Variants in CCDC93 observed in about 807,000 individuals in gnomAD.
CCDC93 encodes the protein coiled-coil domain-containing protein 93.
A neutral mutation model predicts 108.2 loss-of-function variants in CCDC93; 61 were observed. The observed-to-expected ratio is 0.56, with a 90% CI of 0.46 to 0.70. CCDC93 has a LOEUF of 0.70. Among genes scored for constraint, CCDC93 ranks in the 30% least tolerant of loss-of-function variants. The probability of loss-of-function intolerance (pLI) is 0.00; values close to 1 mark genes in which losing one functional copy is unlikely to be tolerated. For missense variants in CCDC93, 685 were observed against 764.2 expected, an observed-to-expected ratio of 0.90 and a Z score of 1.22; for synonymous variants, 276 against 260.4, an observed-to-expected ratio of 1.06 and a Z score of -0.58.
In CCDC93 at chr2:117,917,632, T is replaced by G. The variant is rs1017617659; in HGVS notation, c.*2711A>C. 1 of 152,266 alleles carries G rather than the reference T, an allele frequency of 6.6e-6. No homozygotes were observed. Among genetic ancestry groups the G allele is most frequent in the Admixed American group, 6.5e-5 (1 of 15,282 alleles). 9.4% of individuals were successfully genotyped at this position (152,266 alleles called of 1,614,324 possible). On this transcript the variant is annotated 3_prime_UTR_variant, in exon 24 of 24. Transcript: ENST00000376300. Reference sequence around the variant, plus strand: ...GTGTGACTCTGACGACTGTTTAACATTCTGTACCTCCCTCTAGTGGTGTTA... The same window carrying G: ...GTGTGACTCTGACGACTGTTTAACAGTCTGTACCTCCCTCTAGTGGTGTTA...
chr2:117,948,611 C>G (rs1455726899), intron 14 of CCDC93, among the ~76,000 whole-genome samples: 2 of 152,230 alleles, frequency 1.3e-5, no homozygotes, highest in Non-Finnish European at 2.9e-5. Context: ...TATCAACTAT[C>G]TGACAGTGCT....
Position 118,006,757 on chromosome 2 carries a change from C to T in CCDC93, c.216G>A (p.Leu72=), listed in dbSNP as rs770091722. 3 of 1,612,518 alleles carry T rather than the reference C, an allele frequency of 1.9e-6. No homozygotes were observed. Among genetic ancestry groups the T allele is most frequent in the East Asian group, 4.5e-5 (2 of 44,868 alleles). ...CTATCGTAGAGTTTTCTTGAAAGAG[C>T]AAATCAACATCTACATCAAAGTTGC... ...TTCNFDVDVD[L]LFQENSTIGQ... The change falls in exon 3 of 24, where the codon TTG becomes TTA. Residue 72 remains leucine, a synonymous_variant. Transcript: ENST00000376300.
At chr2:118,001,887 T>C (rs1449729263) in intron 3 of CCDC93, among the ~76,000 whole-genome samples, 1 of 152,188 alleles carries the variant, frequency 6.6e-6, no homozygotes, top group South Asian at 2.1e-4. Flanking sequence ...ACTATCTTAA[T>C]TGGATCAGAC....
chr2:117,928,011 A>T (rs982618978), intron 23 of CCDC93, among the ~76,000 whole-genome samples: 44 of 152,248 alleles, frequency 2.9e-4, no homozygotes, highest in African/African-American at 1.0e-3. Flanking sequence ...AAATGGGGAA[A>T]GGATTCCCTA....
chr2:117,949,521 G>T, intron 13 of CCDC93, 126 bp from the exon 14 acceptor site: 1 of 708,482 alleles, frequency 1.4e-6, no homozygotes, highest in Non-Finnish European at 2.3e-6. Context: ...ATTTTAATGT[G>T]TAAAGTAGGT....
At chr2:118,013,646 T>A (rs979989193) in intron 1 of CCDC93, among the ~76,000 whole-genome samples, 3 of 151,912 alleles carry the variant, frequency 2.0e-5, no homozygotes, top group Admixed American at 6.6e-5. Context: ...GGGAGAAAGG[T>A]GGGAGCCCAG....
intron 11 of CCDC93, among the ~76,000 whole-genome samples, chr2:117,966,905 A>C (rs1679599199): frequency 6.6e-6 from 1 of 152,274 alleles, no homozygotes; most frequent in African/African-American, 2.4e-5. Flanking sequence ...AATTCCTTCC[A>C]CAAATAAGTC....
Position 117,995,502 on chromosome 2 carries a change from C to G in CCDC93, c.463G>C (p.Asp155His). 1 of 1,612,606 alleles carries G rather than the reference C, an allele frequency of 6.2e-7. No homozygotes were observed. Among genetic ancestry groups the G allele is most frequent in the Admixed American group, 1.7e-5 (1 of 60,014 alleles). Residue 155 changes from aspartate (D) to histidine (H), a missense_variant and splice_region_variant, in exon 6 of 24, where the codon GAT becomes CAT. By Grantham distance (81) the Asp-to-His change is moderately conservative. Coordinates refer to ENST00000376300, the MANE Select transcript of CCDC93 (RefSeq NM_019044.5). ...TCTTTTCTCTTTATGAAGTCATCAT[C>G]CTACAAGACAAAACAGAGCGATTAA... ...QFQKTYSLPE[D>H]DDFIKRKEKA...
rs779116434 is a variant in CCDC93, at chr2:117,939,144, G to A, written c.1523-33C>T. The A allele has an allele frequency of 1.6e-5, 22 of 1,387,686 alleles. No homozygotes were observed. In the South Asian group the frequency reaches 2.2e-4, roughly 14 times the overall value. 86.0% of individuals were successfully genotyped at this position (1,387,686 alleles called of 1,614,324 possible). A position where few individuals can be genotyped will look rare whatever the true frequency, so the allele number is the denominator to read the frequency against. On this transcript the variant is annotated intron_variant, in intron 19 of 23. Transcript: ENST00000376300. ...AGTAAAGAAATCAGCACACGAATAA[G>A]AACAGGTATCAGAACACCCTACCTG...
chr2:117,940,992 T>G (rs1205588569), intron 19 of CCDC93, among the ~76,000 whole-genome samples, 197 bp downstream of exon 19: 3 of 152,216 alleles, frequency 2.0e-5, no homozygotes, highest in Non-Finnish European at 1.5e-5. Flanking sequence ...TTCAACTATC[T>G]GTCCACGGAG....
intron 11 of CCDC93, among the ~76,000 whole-genome samples, chr2:117,963,888 G>T (rs1679470490): frequency 6.6e-6 from 1 of 152,204 alleles, no homozygotes; most frequent in South Asian, 2.1e-4. Context: ...TAAAGTCCAA[G>T]TCTTTATGCA....
chr2:117,923,477 C>A (rs1349081554), intron 23 of CCDC93, among the ~76,000 whole-genome samples: 2 of 152,212 alleles, frequency 1.3e-5, no homozygotes, highest in African/African-American at 4.8e-5. Flanking sequence ...TATCCCGCGC[C>A]TGCCTCAGAG....
At chr2:117,967,889 T>C (rs1344374777) in intron 11 of CCDC93, among the ~76,000 whole-genome samples, 4 of 152,180 alleles carry the variant, frequency 2.6e-5, no homozygotes, top group African/African-American at 9.7e-5. Context: ...CAGAGGATTA[T>C]AAGCAGGAAG....
intron 11 of CCDC93, among the ~76,000 whole-genome samples, chr2:117,965,668 T>C (rs1679540923): frequency 6.6e-6 from 1 of 152,178 alleles, no homozygotes; most frequent in African/African-American, 2.4e-5. Flanking sequence ...CAAATTGTAT[T>C]ATTCTGTAAT....
At chr2:118,001,478 T>C (rs1379631171) in intron 3 of CCDC93, among the ~76,000 whole-genome samples, 1 of 152,106 alleles carries the variant, frequency 6.6e-6, no homozygotes, top group Admixed American at 6.5e-5. Flanking sequence ...AATAGTAGCC[T>C]TTAATTTTTT....
chr2:118,001,994 C>T (rs986987192), intron 3 of CCDC93, among the ~76,000 whole-genome samples: 2 of 152,130 alleles, frequency 1.3e-5, no homozygotes, highest in South Asian at 2.1e-4. Context: ...CAGGCATGGC[C>T]TTGTGGACAT....
intron 11 of CCDC93, among the ~76,000 whole-genome samples, chr2:117,959,942 G>A (rs538555672): frequency 1.3e-5 from 2 of 152,232 alleles, no homozygotes; most frequent in African/African-American, 4.8e-5. Context: ...ATTAAAAAAG[G>A]GTGGTGGAAG....
intron 18 of CCDC93, 94 bp from the exon 19 acceptor site, chr2:117,941,391 G>T: frequency 1.2e-6 from 1 of 864,362 alleles, no homozygotes; most frequent in Non-Finnish European, 1.9e-6. Context: ...CCCGACCTGA[G>T]CCCAACCATG....
intron 23 of CCDC93, among the ~76,000 whole-genome samples, chr2:117,924,108 C>G (rs1340810203): frequency 2.6e-5 from 4 of 152,082 alleles, no homozygotes; most frequent in Non-Finnish European, 5.9e-5. Flanking sequence ...GAAAGGACAT[C>G]CACACCAAAA....
Sources: gnomAD v4.1 joint callset for allele counts (sites outside exome capture counted in the v4.1 genomes callset) on GRCh38, gnomAD v4.1.1 for gene constraint, MANE v1.5 for transcripts, NCBI Gene and HGNC (gene_info 2026-07-23, HGNC 2026-07-21) for gene names.